MYH9: variants seen among roughly 807,000 people sequenced by gnomAD.
MYH9 encodes the protein myosin-9.
Under a neutral mutation model 241.9 loss-of-function variants are expected in MYH9, and 29 were observed. The observed-to-expected ratio is 0.12, with a 90% CI of 0.09 to 0.16. The LOEUF is 0.16. Among genes scored for constraint, MYH9 ranks in the 10% least tolerant of loss-of-function variants. MYH9 has a pLI of 1.00. For synonymous variants in MYH9, 1,047 were observed against 1,062.6 expected (o/e 0.99, Z 0.29); for missense variants, 1,803 against 2,595.5 (o/e 0.69, Z 6.63).
chr22:36,306,251 T>C lies in MYH9; in HGVS notation c.2037+163A>G, dbSNP rs376736518. On this transcript the variant is annotated intron_variant, in intron 16 of 40. Coordinates refer to ENST00000216181, the MANE Select transcript of MYH9 (RefSeq NM_002473.6). This position sits in a 1 kb window ranked among gnomAD's most constrained non-coding sequence, Gnocchi z 4.1. The stretch of plus-strand genomic sequence containing the variant: ...CAAGAGGAAGTGCAGGCTGTGAATG[T>C]AGCGTATCTCCTAAGCGAGCCAAGG... Among the ~76,000 whole-genome samples the C allele has an allele frequency of 2.3e-4, 35 of 152,258 alleles. No individual in the cohort carries two copies. The East Asian group carries it at 5.2e-3, about 23-fold the overall frequency.
intron 31 of MYH9, among the ~76,000 whole-genome samples, chr22:36,290,402 T>C (rs2016670005): frequency 6.7e-6 from 1 of 150,010 alleles, no homozygotes; most frequent in South Asian, 2.1e-4. Context: ...TAAATAATTA[T>C]AATAATGTAA....
chr22:36,360,071 A>ACCACCACCACCACCACCG (rs2017915228), intron 1 of MYH9, among the ~76,000 whole-genome samples: 1 of 118,674 alleles, frequency 8.4e-6, no homozygotes, highest in Non-Finnish European at 1.7e-5. Flanking sequence ...CACCACCACC[A>ACCACCACCACCACCACCG]CCACCTAACA....
chr22:36,310,365 C>T (rs1036769848), intron 14 of MYH9, among the ~76,000 whole-genome samples: 1 of 152,188 alleles, frequency 6.6e-6, no homozygotes, highest in African/African-American at 2.4e-5. Flanking sequence ...CTTGGCCTCC[C>T]CAAGTGTTGG....
rs201589817 is a variant in MYH9 at position 36,298,878 on chromosome 22, G to A, written c.3100+41C>T. 1,238 of 1,609,898 alleles carry A rather than the reference G, an allele frequency of 7.7e-4. 3 individuals are homozygous for A. The highest frequency in any genetic ancestry group is 1.0e-3 in the Admixed American group (60 of 59,970). On this transcript the variant is annotated intron_variant, in intron 24 of 40. Transcript: ENST00000216181. ...GGCCCCTGACCGCCAGCCCTTGCCCGCCAGCCCCTGCCCATCACCTCCTGC... is the reference window on the plus strand; with the variant it reads ...GGCCCCTGACCGCCAGCCCTTGCCCACCAGCCCCTGCCCATCACCTCCTGC...
chr22:36,285,065 G>C lies in MYH9; in HGVS notation c.5483+56C>G, dbSNP rs562801998. On this transcript the variant is annotated intron_variant, in intron 38 of 40. Transcript: ENST00000216181. The surrounding 1 kb of genome is among the most constrained non-coding windows in gnomAD (Gnocchi z 7.0). ...GGCCCAGATTTGGGCAGGACTGCAG[G>C]GGGGCCAGAGTTTTTTCCAGGACAG... is the stretch of plus-strand genomic sequence containing the variant. 6 of 1,551,366 alleles carry C rather than the reference G, an allele frequency of 3.9e-6. No individual in the cohort carries two copies. The highest frequency in any genetic ancestry group is 1.1e-5 in the South Asian group (1 of 88,974).
intron 24 of MYH9, among the ~76,000 whole-genome samples, chr22:36,297,987 G>A (rs1368702673): frequency 2.6e-5 from 4 of 152,182 alleles, no homozygotes; most frequent in African/African-American, 9.7e-5. Context: ...TCTGGTGGGT[G>A]CAAGGCAACC....
At chr22:36,322,912 G>T (rs1322009654) in intron 5 of MYH9, among the ~76,000 whole-genome samples, 2 of 152,326 alleles carry the variant, frequency 1.3e-5, no homozygotes, top group African/African-American at 4.8e-5. Flanking sequence ...CTACCTCCTT[G>T]CCTCTAATCC....
chr22:36,305,120 A>G lies in MYH9; in HGVS notation c.2160-18T>C, dbSNP rs1388574520. 6.2e-7 allele frequency: 1 copy of G among 1,606,792 alleles called. No individual in the cohort carries two copies. Among genetic ancestry groups the G allele is most frequent in the Non-Finnish European group, 8.5e-7 (1 of 1,173,356 alleles). On this transcript the variant is annotated intron_variant, in intron 17 of 40. Transcript: ENST00000216181. The surrounding 1 kb of genome is among the most constrained non-coding windows in gnomAD (Gnocchi z 4.7). The stretch of plus-strand genomic sequence containing the variant: ...TCTCATATCTGAGGAAGGAAAGAGA[A>G]GCCTGGTCATTTTACCCATTGCCTC...
At position 36,321,615 on chromosome 22, in the gene MYH9, A is replaced by ACAGTC. The variant is rs144217388; in HGVS notation, c.769+138_769+142dup. 357 of 829,060 alleles carry ACAGTC rather than the reference A, an allele frequency of 4.3e-4. No homozygotes were observed. The African/African-American group carries it at 5.3e-3, about 12-fold the overall frequency. The allele number at this position is 829,060 out of a possible 1,614,324, so 51.4% of individuals were successfully genotyped here. A position where few individuals can be genotyped will look rare whatever the true frequency, so the allele number is the denominator to read the frequency against. Reference sequence around the variant, plus strand: ...GTTGGGTTTGCACTAGCCGATCCTGACAGTCCCCTAGCTCCACAGAGAAGG... The same window carrying ACAGTC: ...GTTGGGTTTGCACTAGCCGATCCTGACAGTCCAGTCCCCTAGCTCCACAGAGAAGG... On this transcript the variant is annotated intron_variant, in intron 7 of 40. Coordinates refer to ENST00000216181, the MANE Select transcript of MYH9 (RefSeq NM_002473.6).
intron 1 of MYH9, among the ~76,000 whole-genome samples, chr22:36,383,673 G>C (rs1443013929): frequency 6.6e-6 from 1 of 151,828 alleles, no homozygotes; most frequent in Non-Finnish European, 1.5e-5. Context: ...AAAGGGGGGG[G>C]GGTGCCAGGT....
In MYH9 at chr22:36,282,917, A is replaced by G. The variant is rs1419771832; in HGVS notation, c.5766-132T>C. The G allele has an allele frequency of 8.8e-6, 7 of 795,138 alleles. No individual in the cohort carries two copies. In the Admixed American group the frequency reaches 9.6e-5, roughly 11 times the overall value. The allele number at this position is 795,138 out of a possible 1,614,324, so 49.3% of individuals were successfully genotyped here. On this transcript the variant is annotated intron_variant, in intron 40 of 40. Coordinates refer to ENST00000216181, the MANE Select transcript of MYH9 (RefSeq NM_002473.6). ...CTGGCTGCTCCCACCAGAAAGAAGC[A>G]AAGTGGAGTCTTGGGAGCCACAGCT...
chr22:36,302,740 G>C, intron 19 of MYH9, 64 bp from the exon 20 acceptor site: 1 of 1,428,126 alleles, frequency 7.0e-7, no homozygotes, highest in Non-Finnish European at 9.8e-7. Flanking sequence ...AACAGTCCTG[G>C]TCTTGTCCTC....
chr22:36,367,169 G>C (rs1297568608), intron 1 of MYH9, among the ~76,000 whole-genome samples: 1 of 152,168 alleles, frequency 6.6e-6, no homozygotes, highest in South Asian at 2.1e-4. Flanking sequence ...ACAAAGACTT[G>C]AGGCAGGATC....
intron 6 of MYH9, 22 bp from the exon 7 acceptor site, chr22:36,321,843 G>C (rs538916198): frequency 6.2e-7 from 1 of 1,607,002 alleles, no homozygotes; most frequent in Non-Finnish European, 8.5e-7. Context: ...AGGATAGCAA[G>C]AGATCAGAGG....
intron 1 of MYH9, chr22:36,365,027 G>A (rs1310532664): frequency 3.7e-5 from 5 of 134,062 alleles, no homozygotes; most frequent in Admixed American, 8.9e-5. Flanking sequence ...GCATTGGATC[G>A]GAGTATCGTC....
intron 1 of MYH9, among the ~76,000 whole-genome samples, chr22:36,374,372 T>C (rs1185732068): frequency 6.6e-6 from 1 of 152,120 alleles, no homozygotes; most frequent in African/African-American, 2.4e-5. Context: ...ATACAAAAAT[T>C]AGCCGGGCAT....
intron 12 of MYH9, among the ~76,000 whole-genome samples, chr22:36,315,554 C>T (rs777823108): frequency 6.6e-6 from 1 of 152,098 alleles, no homozygotes; most frequent in Non-Finnish European, 1.5e-5. Context: ...ATCCTCCCAG[C>T]CTGGACAACA....
At chr22:36,307,467 A>G (rs1424680771) in intron 15 of MYH9, among the ~76,000 whole-genome samples, 1 of 152,266 alleles carries the variant, frequency 6.6e-6, no homozygotes, top group Non-Finnish European at 1.5e-5. Flanking sequence ...AAAGTGAAGA[A>G]TACTGACGAA....
chr22:36,321,344 G>A (rs2017247809), intron 7 of MYH9, among the ~76,000 whole-genome samples: 1 of 152,180 alleles, frequency 6.6e-6, no homozygotes, highest in Non-Finnish European at 1.5e-5. Flanking sequence ...CAAACTACCT[G>A]GGTTCTCACC....
Sources: gnomAD v4.1 joint callset for allele counts (sites outside exome capture counted in the v4.1 genomes callset) on GRCh38, gnomAD v4.1.1 for gene constraint, Gnocchi (gnomAD v3.1) non-coding constraint, MANE v1.5 for transcripts, NCBI Gene and HGNC (gene_info 2026-07-23, HGNC 2026-07-21) for gene names.